The following ZBTB7C variants were observed in gnomAD, a reference collection of about 807,000 sequenced individuals.
ZBTB7C encodes the protein zinc finger and BTB domain containing 7C.
A neutral mutation model predicts 25.7 loss-of-function variants in ZBTB7C; 8 were observed. The observed-to-expected ratio is 0.31, with a 90% CI of 0.18 to 0.56. The LOEUF (loss-of-function observed/expected upper bound fraction) is 0.56. Ranked by LOEUF, ZBTB7C falls within the 20% of genes least tolerant of loss-of-function variation. The pLI is 0.91. For synonymous variants in ZBTB7C, 394 were observed against 369.0 expected, an observed-to-expected ratio of 1.07 and a Z score of -0.78; for missense variants, 824 against 855.2, an observed-to-expected ratio of 0.96 and a Z score of 0.46.
intron 2 of ZBTB7C, among the ~76,000 whole-genome samples, chr18:48,237,072 G>C (rs528058010): frequency 3.0e-4 from 45 of 152,310 alleles, no homozygotes; most frequent in African/African-American, 1.0e-3. Flanking sequence ...CACAGTCATT[G>C]CTGGAAATGC....
intron 1 of ZBTB7C, among the ~76,000 whole-genome samples, chr18:48,403,884 C>G (rs1481095930): frequency 4.0e-5 from 6 of 151,886 alleles, no homozygotes; most frequent in Non-Finnish European, 8.8e-5. Flanking sequence ...AATAAACAGG[C>G]CTATTTGGTA....
At chr18:48,084,656 C>T (rs1306284658) in intron 3 of ZBTB7C, among the ~76,000 whole-genome samples, 1 of 152,192 alleles carries the variant, frequency 6.6e-6, no homozygotes, top group Non-Finnish European at 1.5e-5. Context: ...GATTCAGACC[C>T]AGTGTGGCCC....
At position 48,029,215 on chromosome 18, in the gene ZBTB7C, GA is replaced by G. The variant is rs1248304633; in HGVS notation, c.*44del. The G allele has an allele frequency of 6.6e-7, 1 of 1,506,556 alleles. No homozygotes were observed. 93.3% of individuals were successfully genotyped at this position (1,506,556 alleles called of 1,614,324 possible). On this transcript the variant is annotated 3_prime_UTR_variant, in exon 5 of 5. Coordinates refer to ENST00000590800, the MANE Select transcript of ZBTB7C (RefSeq NM_001318841.2). ...GGGTAGGGTAGAGTGGGCCTGGAGG[GA>G]GAAGGACTGGAGGGCTGGTGGGCTG...
At chr18:48,328,808 G>A (rs944343356) in intron 2 of ZBTB7C, among the ~76,000 whole-genome samples, 1 of 151,930 alleles carries the variant, frequency 6.6e-6, no homozygotes, top group East Asian at 1.9e-4. Context: ...TACTGCCCCC[G>A]CCCCACAAAA....
intron 3 of ZBTB7C, among the ~76,000 whole-genome samples, chr18:48,177,506 T>C (rs1368314292): frequency 6.6e-6 from 1 of 152,128 alleles, no homozygotes; most frequent in Non-Finnish European, 1.5e-5. Flanking sequence ...GTGCCATCAT[T>C]CTTGTGTTCC....
At chr18:48,098,913 C>A (rs1299353880) in intron 3 of ZBTB7C, among the ~76,000 whole-genome samples, 1 of 152,196 alleles carries the variant, frequency 6.6e-6, no homozygotes, top group Non-Finnish European at 1.5e-5. Flanking sequence ...GTAAATGAAG[C>A]CAATCAATGT....
intron 2 of ZBTB7C, among the ~76,000 whole-genome samples, chr18:48,316,307 G>A (rs911636206): frequency 2.6e-5 from 4 of 152,144 alleles, no homozygotes; most frequent in Non-Finnish European, 5.9e-5. Flanking sequence ...GCCTGAAGTG[G>A]GGTCACAGGT....
intron 2 of ZBTB7C, among the ~76,000 whole-genome samples, chr18:48,187,165 G>A (rs745660722): frequency 5.3e-5 from 8 of 152,254 alleles, no homozygotes; most frequent in Middle Eastern, 3.4e-3. Flanking sequence ...AGTGAGGGCC[G>A]GCAGATCAGC....
intron 2 of ZBTB7C, among the ~76,000 whole-genome samples, chr18:48,256,404 G>C (rs2044021546): frequency 6.8e-6 from 1 of 147,762 alleles, no homozygotes; most frequent in Admixed American, 6.9e-5. Flanking sequence ...TATCAACCTG[G>C]AATTTTCTAC....
In ZBTB7C at chr18:48,027,508, G is replaced by C. The variant is rs1256517438; in HGVS notation, c.*1752C>G. On this transcript the variant is annotated 3_prime_UTR_variant, in exon 5 of 5. Coordinates refer to ENST00000590800, the MANE Select transcript of ZBTB7C (RefSeq NM_001318841.2). ...AACGAAGACAGGAATCTGAGAGGCGGCTGCCCAGGCAGATGACTTCTGAGA... is the reference window on the plus strand; with the variant it reads ...AACGAAGACAGGAATCTGAGAGGCGCCTGCCCAGGCAGATGACTTCTGAGA... The C allele has an allele frequency of 6.6e-6, 1 of 152,212 alleles. No homozygotes were observed. Among genetic ancestry groups the C allele is most frequent in the Non-Finnish European group, 1.5e-5 (1 of 68,052 alleles). The allele number at this position is 152,212 out of a possible 1,614,324, so 9.4% of individuals were successfully genotyped here.
At chr18:48,051,178 T>C (rs964003211) in intron 3 of ZBTB7C, among the ~76,000 whole-genome samples, 17 of 152,286 alleles carry the variant, frequency 1.1e-4, no homozygotes, top group Non-Finnish European at 5.9e-5. Context: ...AGGTCTAAGA[T>C]CCCCATAGAG....
Position 48,335,742 on chromosome 18 carries a change from C to G in ZBTB7C, c.-79+2432G>C, listed in dbSNP as rs536455607. On this transcript the variant is annotated intron_variant, in intron 2 of 4. Transcript: ENST00000590800. ...GACGGTGCTACAAGTACAGAATACA[C>G]TGTAGACTTCAAACACTTTGTATGA... Among the ~76,000 whole-genome samples the G allele has an allele frequency of 6.6e-5, 10 of 152,332 alleles. No homozygotes were observed. In the East Asian group the frequency reaches 7.7e-4, roughly 12 times the overall value.
chr18:48,235,724 T>G (rs2043362096), intron 2 of ZBTB7C, among the ~76,000 whole-genome samples: 1 of 152,182 alleles, frequency 6.6e-6, no homozygotes, highest in African/African-American at 2.4e-5. Context: ...AATCCTCATT[T>G]GATACATTAC....
chr18:48,121,060 C>T (rs895431741), intron 3 of ZBTB7C, among the ~76,000 whole-genome samples: 1 of 152,230 alleles, frequency 6.6e-6, no homozygotes, highest in Non-Finnish European at 1.5e-5. Flanking sequence ...AAAGCAGCCA[C>T]TTCTCACACC....
chr18:48,077,741 C>CTCACCA (rs953748858), intron 3 of ZBTB7C, among the ~76,000 whole-genome samples: 1 of 152,158 alleles, frequency 6.6e-6, no homozygotes, highest in African/African-American at 2.4e-5. Context: ...TCACCTCGTC[C>CTCACCA]TCACCATCTG....
intron 1 of ZBTB7C, among the ~76,000 whole-genome samples, chr18:48,365,541 C>A (rs2145125199): frequency 6.6e-6 from 1 of 152,300 alleles, no homozygotes; most frequent in African/African-American, 2.4e-5. Flanking sequence ...GCTATAGGAA[C>A]TGAATGTCGC....
At chr18:48,157,412 G>C (rs980152471) in intron 3 of ZBTB7C, among the ~76,000 whole-genome samples, 1 of 152,082 alleles carries the variant, frequency 6.6e-6, no homozygotes, top group South Asian at 2.1e-4. Context: ...ATGAGGAAAC[G>C]GAGACAAACC....
chr18:48,215,461 T>C (rs180779690), intron 2 of ZBTB7C, among the ~76,000 whole-genome samples: 20 of 152,348 alleles, frequency 1.3e-4, no homozygotes, highest in African/African-American at 4.1e-4. Flanking sequence ...GAGGTATACA[T>C]TGGTTCAGTC....
chr18:48,061,561 C>T (rs1598803971), intron 3 of ZBTB7C, among the ~76,000 whole-genome samples: 1 of 152,168 alleles, frequency 6.6e-6, no homozygotes, highest in African/African-American at 2.4e-5. Context: ...GAGTTTCACG[C>T]ACATATATGT....
Sources: allele counts gnomAD v4.1 joint callset (sites outside exome capture counted in the v4.1 genomes callset), GRCh38; gene constraint gnomAD v4.1.1; transcripts MANE v1.5; gene names NCBI Gene and HGNC (gene_info 2026-07-23, HGNC 2026-07-21).